The following RBFOX2 variants were observed in gnomAD, a reference collection of about 807,000 sequenced individuals.
The protein encoded by RBFOX2 is RNA binding protein fox-1 homolog 2.
A neutral mutation model predicts 49.1 loss-of-function variants in RBFOX2; 10 were observed. The ratio of observed to expected loss-of-function variants is 0.20; its 90% CI spans 0.13 to 0.35. The LOEUF is 0.35. Among genes scored for constraint, RBFOX2 ranks in the 10% least tolerant of loss-of-function variants. The pLI, the probability that RBFOX2 is intolerant of heterozygous loss-of-function variation, is 1.00. For missense variants in RBFOX2, 323 were observed against 486.9 expected, an observed-to-expected ratio of 0.66 and a Z score of 3.17; for synonymous variants, 183 against 187.4, an observed-to-expected ratio of 0.98 and a Z score of 0.19.
intron 1 of RBFOX2, among the ~76,000 whole-genome samples, chr22:35,833,474 G>A (rs1488914932): frequency 1.3e-5 from 2 of 152,140 alleles, no homozygotes; most frequent in African/African-American, 2.4e-5. Flanking sequence ...AAGAGCATGC[G>A]AATTTGGGAC....
chr22:35,993,117 C>T (rs1456746560), intron 1 of RBFOX2: 2 of 144,042 alleles, frequency 1.4e-5, no homozygotes, highest in African/African-American at 4.9e-5. Context: ...ACAGAAAGGA[C>T]ATAAACAGAT....
intron 1 of RBFOX2, among the ~76,000 whole-genome samples, chr22:35,985,249 A>G (rs1429403382): frequency 6.6e-6 from 1 of 152,226 alleles, no homozygotes; most frequent in African/African-American, 2.4e-5. Context: ...ACTAGTAGAA[A>G]TAATCGTAAT....
At chr22:35,796,555 C>A (rs1219188042) in intron 2 of RBFOX2, among the ~76,000 whole-genome samples, 3 of 152,152 alleles carry the variant, frequency 2.0e-5, no homozygotes, top group Non-Finnish European at 4.4e-5. Flanking sequence ...TTTGATAATA[C>A]ATCAAAACTT....
intron 1 of RBFOX2, among the ~76,000 whole-genome samples, chr22:35,924,076 C>A (rs1367965093): frequency 6.6e-6 from 1 of 152,084 alleles, no homozygotes; most frequent in Non-Finnish European, 1.5e-5. Context: ...TGACTTAATC[C>A]CTTTGAGCCT....
rs1416922607 is a variant in RBFOX2 at position 35,949,392 on chromosome 22, GTAAA to G, written c.43-10499_43-10496del. Among the ~76,000 whole-genome samples, 10 of 152,290 alleles carry G rather than the reference GTAAA, an allele frequency of 6.6e-5. No homozygotes were observed. The East Asian group carries it at 1.9e-3, about 29-fold the overall frequency. ...AAGTCCCTGCTTTCAATGCTTTTGG[GTAAA>G]TATTCAGAAGCAGAACTGCTGGATC... On this transcript the variant is annotated intron_variant, in intron 1 of 5. Coordinates refer to the RBFOX2 transcript ENST00000408983.
chr22:35,768,960 C>G (rs1941874751), intron 4 of RBFOX2, among the ~76,000 whole-genome samples: 1 of 152,098 alleles, frequency 6.6e-6, no homozygotes, highest in Non-Finnish European at 1.5e-5. Context: ...TTTCTATGTA[C>G]TGGGTGTGGG....
At chr22:35,876,924 T>C (rs894807394) in intron 1 of RBFOX2, among the ~76,000 whole-genome samples, 3 of 152,188 alleles carry the variant, frequency 2.0e-5, no homozygotes, top group African/African-American at 7.2e-5. Context: ...TGTAATTAAA[T>C]AAGAGATACT....
At chr22:35,792,505 AAT>A (rs1300408137) in intron 2 of RBFOX2, among the ~76,000 whole-genome samples, 1 of 152,192 alleles carries the variant, frequency 6.6e-6, no homozygotes, top group Non-Finnish European at 1.5e-5. Context: ...ATTTGAATAA[AAT>A]AAGATTATGA....
At chr22:35,820,488 C>T (rs1450545535) in intron 1 of RBFOX2, among the ~76,000 whole-genome samples, 3 of 152,170 alleles carry the variant, frequency 2.0e-5, no homozygotes, top group African/African-American at 7.2e-5. Context: ...CTAGAGGTTT[C>T]TAATTCACTC....
At chr22:35,808,770 G>GC (rs1272452666) in intron 2 of RBFOX2, among the ~76,000 whole-genome samples, 1 of 152,102 alleles carries the variant, frequency 6.6e-6, no homozygotes, top group Non-Finnish European at 1.5e-5. Context: ...GATCACTTGA[G>GC]CCCAGGAGAC....
chr22:35,863,272 T>C (rs774636391), intron 1 of RBFOX2, among the ~76,000 whole-genome samples: 3 of 152,178 alleles, frequency 2.0e-5, no homozygotes, highest in Non-Finnish European at 4.4e-5. Context: ...TTCTGTAACA[T>C]AAATCAAGTG....
At chr22:35,955,017 G>A (rs577751756) in intron 1 of RBFOX2, among the ~76,000 whole-genome samples, 3 of 152,234 alleles carry the variant, frequency 2.0e-5, no homozygotes, top group East Asian at 3.9e-4. Context: ...ACCTTGGCAC[G>A]TTCTCAAACA....
At chr22:35,951,067 C>T (rs2054862841) in intron 1 of RBFOX2, among the ~76,000 whole-genome samples, 1 of 151,198 alleles carries the variant, frequency 6.6e-6, no homozygotes, top group African/African-American at 2.4e-5. Flanking sequence ...CATTCTCCTG[C>T]CTCAGCCTCC....
chr22:35,867,100 C>T (rs1160297641), intron 1 of RBFOX2, among the ~76,000 whole-genome samples: 1 of 152,000 alleles, frequency 6.6e-6, no homozygotes, highest in Non-Finnish European at 1.5e-5. Flanking sequence ...ACACTTAAAA[C>T]GTACTTTCAA....
intron 2 of RBFOX2, among the ~76,000 whole-genome samples, chr22:35,790,597 C>A (rs1327808219): frequency 1.3e-5 from 2 of 152,198 alleles, no homozygotes; most frequent in Non-Finnish European, 1.5e-5. Context: ...TTCAGTATTT[C>A]TTATTGCCTA....
intron 9 of RBFOX2, among the ~76,000 whole-genome samples, chr22:35,750,124 A>G (rs1398455119): frequency 6.6e-6 from 1 of 152,170 alleles, no homozygotes; most frequent in African/African-American, 2.4e-5. Flanking sequence ...GAAATAGTCA[A>G]TCTTGCCCAC....
At chr22:35,773,269 T>C (rs1347960829) in intron 4 of RBFOX2, among the ~76,000 whole-genome samples, 1 of 152,040 alleles carries the variant, frequency 6.6e-6, no homozygotes, top group African/African-American at 2.4e-5. Flanking sequence ...AGGGAAAACA[T>C]TACAGCAAAT....
intron 1 of RBFOX2, chr22:35,897,671 C>T: frequency 1.5e-6 from 2 of 1,356,624 alleles, no homozygotes; most frequent in Non-Finnish European, 1.1e-6. Context: ...CCTTTGGATA[C>T]ATCTACGACG....
intron 1 of RBFOX2, chr22:35,994,312 A>C (rs1209336046): frequency 6.6e-6 from 1 of 152,018 alleles, no homozygotes; most frequent in South Asian, 2.1e-4. Context: ...AGTATCTTAC[A>C]TTCTTTTTTG....
Sources: allele counts gnomAD v4.1 joint callset (sites outside exome capture counted in the v4.1 genomes callset), GRCh38; gene constraint gnomAD v4.1.1; transcripts MANE v1.5; gene names NCBI Gene and HGNC (gene_info 2026-07-23, HGNC 2026-07-21).